The following GARIN1B variants were observed in gnomAD, a reference collection of about 807,000 sequenced individuals.
The protein encoded by GARIN1B is Golgi-associated RAB2 interactor protein 1B.
the GARIN1B span, among the ~76,000 whole-genome samples, chr7:128,717,150 G>A: frequency 6.6e-6 from 1 of 152,166 alleles, no homozygotes; most frequent in Non-Finnish European, 1.5e-5. Flanking sequence ...GACAGGTGTT[G>A]CACTGGAAGG....
chr7:128,722,532 G>A, the GARIN1B span, among the ~76,000 whole-genome samples: 11 of 152,266 alleles, frequency 7.2e-5, no homozygotes, highest in South Asian at 1.2e-3. Flanking sequence ...TAGGCCAGGC[G>A]CGGTGGCTCA....
At chr7:128,720,469 G>C in the GARIN1B span, among the ~76,000 whole-genome samples, 1 of 151,986 alleles carries the variant, frequency 6.6e-6, no homozygotes, top group Non-Finnish European at 1.5e-5. Flanking sequence ...CAAAGTCCTG[G>C]GATTACAGGC....
chr7:128,713,102 C>T, the GARIN1B span, among the ~76,000 whole-genome samples: 6 of 152,092 alleles, frequency 3.9e-5, no homozygotes, highest in East Asian at 5.8e-4. Context: ...GCCAGGAGTT[C>T]GAGACCAGCC....
chr7:128,715,481 T>G, the GARIN1B span: 1 of 1,613,994 alleles, frequency 6.2e-7, no homozygotes, highest in Non-Finnish European at 8.5e-7. Context: ...TTGGAGGAAA[T>G]CAAAGAAGAC....
chr7:128,715,689 A>G, the GARIN1B span: 17 of 1,613,428 alleles, frequency 1.1e-5, no homozygotes, highest in African/African-American at 9.3e-5. Context: ...AACTTCATCC[A>G]GGTATTCTTG....
the GARIN1B span, among the ~76,000 whole-genome samples, chr7:128,718,424 C>T: frequency 4.7e-5 from 6 of 126,418 alleles, no homozygotes; most frequent in East Asian, 6.9e-4. Context: ...AAGAGCAAAA[C>T]TTTGCCTCAG....
the GARIN1B span, among the ~76,000 whole-genome samples, chr7:128,726,300 T>C: frequency 6.6e-6 from 1 of 152,250 alleles, no homozygotes; most frequent in Admixed American, 6.5e-5. Context: ...CAACCTACTC[T>C]GGGCAGATCG....
the GARIN1B span, chr7:128,723,462 C>G: frequency 9.9e-7 from 1 of 1,013,950 alleles, no homozygotes; most frequent in Non-Finnish European, 1.4e-6. Context: ...CCTGTATTCC[C>G]GGCACTTTGG....
At chr7:128,725,338 TTTCCTTCC>T in the GARIN1B span, among the ~76,000 whole-genome samples, 29,678 of 149,322 alleles carry the variant, frequency 0.2, 3,242 homozygotes, top group East Asian at 0.38. Context: ...ATCAAATCAC[TTTCCTTCC>T]TTCCTTCCTT....
chr7:128,727,758 C>T, the GARIN1B span, among the ~76,000 whole-genome samples: 4 of 152,084 alleles, frequency 2.6e-5, no homozygotes, highest in South Asian at 2.1e-4. Flanking sequence ...TCCCTTCCCC[C>T]GATGCTTCAC....
chr7:128,726,129 C>A, the GARIN1B span, among the ~76,000 whole-genome samples: 6 of 152,110 alleles, frequency 3.9e-5, no homozygotes, highest in African/African-American at 1.2e-4. Context: ...GGAAGCCATG[C>A]GAAGATATTT....
the GARIN1B span, among the ~76,000 whole-genome samples, chr7:128,717,444 CTTT>C: frequency 5.1e-5 from 7 of 136,708 alleles, no homozygotes; most frequent in Admixed American, 1.5e-4. Context: ...TTCTTTCTTT[CTTT>C]TTTTTTTTTT....
chr7:128,716,332 G>A, the GARIN1B span, among the ~76,000 whole-genome samples: 1 of 152,132 alleles, frequency 6.6e-6, no homozygotes, highest in African/African-American at 2.4e-5. Context: ...TTCAGTGAAG[G>A]TGCAGGAGAT....
chr7:128,714,558 A>G, the GARIN1B span, among the ~76,000 whole-genome samples: 1 of 148,450 alleles, frequency 6.7e-6, no homozygotes, highest in Non-Finnish European at 1.5e-5. Flanking sequence ...CAGCCTGAGC[A>G]ACAAGAGCGA....
the GARIN1B span, chr7:128,718,950 C>T: frequency 3.1e-6 from 5 of 1,614,206 alleles, no homozygotes; most frequent in Non-Finnish European, 4.2e-6. Context: ...CATCCTGAGA[C>T]TGTCTTCCAC....
chr7:128,712,027 C>T, the GARIN1B span, among the ~76,000 whole-genome samples: 16 of 152,152 alleles, frequency 1.1e-4, no homozygotes, highest in South Asian at 1.0e-3. Flanking sequence ...GATGACAGAG[C>T]GAGACTCCGC....
the GARIN1B span, among the ~76,000 whole-genome samples, chr7:128,713,220 T>C: frequency 6.8e-6 from 1 of 146,282 alleles, no homozygotes; most frequent in Admixed American, 6.9e-5. Context: ...GGCAGGAGAA[T>C]TGCTTGAACT....
At chr7:128,713,754 GAGA>G in the GARIN1B span, 3 of 378,850 alleles carry the variant, frequency 7.9e-6, no homozygotes, top group East Asian at 6.7e-5. Context: ...GTATGGAAAA[GAGA>G]AGAAGTCATC....
the GARIN1B span, chr7:128,730,971 AC>A: frequency 1.1e-6 from 1 of 880,318 alleles, no homozygotes; most frequent in Non-Finnish European, 1.9e-6. Context: ...GCCACCACCA[AC>A]CCTTATAAGA....
Sources: gnomAD v4.1 joint callset for allele counts (sites outside exome capture counted in the v4.1 genomes callset) on GRCh38, gnomAD v4.1.1 for gene constraint, MANE v1.5 for transcripts, NCBI Gene and HGNC (gene_info 2026-07-23, HGNC 2026-07-21) for gene names.